Variants in GMEB1 observed in about 807,000 individuals in gnomAD.
GMEB1 encodes the protein glucocorticoid modulatory element binding protein 1.
Under a neutral mutation model 52.4 loss-of-function variants are expected in GMEB1, and 6 were observed. The observed-to-expected ratio is 0.11, with a 90% CI of 0.06 to 0.23. The LOEUF is 0.23. Among genes scored for constraint, GMEB1 ranks in the 10% least tolerant of loss-of-function variants. The pLI is 1.00. For synonymous variants in GMEB1, 255 were observed against 244.9 expected, an observed-to-expected ratio of 1.04 and a Z score of -0.38; for missense variants, 486 against 685.6, an observed-to-expected ratio of 0.71 and a Z score of 3.25.
chr1:28,713,164 A>G (rs1365348866), intron 9 of GMEB1, among the ~76,000 whole-genome samples: 1 of 152,066 alleles, frequency 6.6e-6, no homozygotes, highest in Non-Finnish European at 1.5e-5. Flanking sequence ...TCTCAAAAAA[A>G]AAAAAAAAAA....
Position 28,693,064 on chromosome 1 carries a change from C to T in GMEB1, c.440+19C>T. The stretch of plus-strand genomic sequence containing the variant: ...TGCTCAGGTAAGCTCTAATGTCAAG[C>T]ACATACCTTTCAACAAACTTTGGGG... On this transcript the variant is annotated intron_variant, in intron 5 of 9. Coordinates refer to ENST00000373816, the MANE Select transcript of GMEB1 (RefSeq NM_001319674.2). 1 of 1,318,780 alleles carries T rather than the reference C, an allele frequency of 7.6e-7. No individual in the cohort carries two copies. Among genetic ancestry groups the T allele is most frequent in the Non-Finnish European group, 1.1e-6 (1 of 942,684 alleles). 81.7% of individuals were successfully genotyped at this position (1,318,780 alleles called of 1,614,324 possible). A position where few individuals can be genotyped will look rare whatever the true frequency, so the allele number is the denominator to read the frequency against.
At chr1:28,669,153 ACCACTGGGGGGGCCCCGGCGCC>A (rs1415954964) in intron 1 of GMEB1, among the ~76,000 whole-genome samples, 1 of 150,480 alleles carries the variant, frequency 6.6e-6, no homozygotes, top group African/African-American at 2.4e-5. Context: ...CGGCGAGTCC[ACCACTGGGGGGGCCCCGGCGCC>A]CCCGGACCGA....
chr1:28,693,962 G>A (rs981995408), intron 5 of GMEB1, among the ~76,000 whole-genome samples: 2 of 151,922 alleles, frequency 1.3e-5, no homozygotes, highest in African/African-American at 4.8e-5. Flanking sequence ...GACTTCTAAA[G>A]TCAATTATGG....
chr1:28,701,533 G>C (rs919554002), intron 6 of GMEB1, among the ~76,000 whole-genome samples: 2 of 152,078 alleles, frequency 1.3e-5, no homozygotes, highest in Non-Finnish European at 2.9e-5. Context: ...CTCCCAAAGT[G>C]CTGGGATTAC....
chr1:28,674,604 G>C (rs529322148), intron 1 of GMEB1, among the ~76,000 whole-genome samples: 5 of 151,870 alleles, frequency 3.3e-5, no homozygotes, highest in Non-Finnish European at 7.4e-5. Context: ...ATGTTTGTCA[G>C]GCTGGTCTCT....
At chr1:28,673,264 G>A (rs1369454350) in intron 1 of GMEB1, among the ~76,000 whole-genome samples, 2 of 148,050 alleles carry the variant, frequency 1.4e-5, no homozygotes, top group Non-Finnish European at 3.0e-5. Context: ...TCCATTTTTC[G>A]TTTGTTTGTT....
At chr1:28,695,895 C>T (rs1392972971) in intron 5 of GMEB1, among the ~76,000 whole-genome samples, 2 of 120,416 alleles carry the variant, frequency 1.7e-5, no homozygotes, top group African/African-American at 3.2e-5. Flanking sequence ...GCCGAGATCC[C>T]GCCACTGCAC....
At chr1:28,703,543 C>T (rs912840590) in intron 7 of GMEB1, among the ~76,000 whole-genome samples, 2 of 152,038 alleles carry the variant, frequency 1.3e-5, no homozygotes, top group Non-Finnish European at 2.9e-5. Context: ...TGCCTGTAAT[C>T]CCAGCTACTC....
At chr1:28,694,964 T>A (rs1316374859) in intron 5 of GMEB1, among the ~76,000 whole-genome samples, 1 of 146,438 alleles carries the variant, frequency 6.8e-6, no homozygotes, top group African/African-American at 2.5e-5. Flanking sequence ...GGCCAGCCTT[T>A]TTTTTTTTTT....
chr1:28,705,434 A>G (rs1244260666), intron 8 of GMEB1, among the ~76,000 whole-genome samples: 1 of 145,428 alleles, frequency 6.9e-6, no homozygotes, highest in East Asian at 2.0e-4. Context: ...CTCGCGCGAT[A>G]TATGTATTTT....
intron 1 of GMEB1, among the ~76,000 whole-genome samples, chr1:28,681,077 C>G (rs1669368435): frequency 6.6e-6 from 1 of 152,028 alleles, no homozygotes; most frequent in African/African-American, 2.4e-5. Context: ...ACAATCCTTG[C>G]TTTTCCAGGA....
chr1:28,713,894 C>G (rs1671170868), intron 9 of GMEB1, among the ~76,000 whole-genome samples, 179 bp from the exon 10 acceptor site: 1 of 152,040 alleles, frequency 6.6e-6, no homozygotes, highest in African/African-American at 2.4e-5. Flanking sequence ...ACCCTCCAGC[C>G]TAGGCAACAT....
At chr1:28,692,892 G>T (rs773698776) in intron 4 of GMEB1, 50 bp from the exon 5 acceptor site, 15 of 920,214 alleles carry the variant, frequency 1.6e-5, no homozygotes, top group Non-Finnish European at 1.7e-5. Flanking sequence ...TCCCCTCTTG[G>T]CCTGCCTAAG....
upstream of GMEB1, among the ~76,000 whole-genome samples, chr1:28,668,229 G>A (rs1022423073): frequency 3.3e-5 from 5 of 151,940 alleles, no homozygotes; most frequent in African/African-American, 1.2e-4. Flanking sequence ...CTCCAGAGTC[G>A]TTTACACTTC....
chr1:28,672,266 G>C (rs1322213863), intron 1 of GMEB1, among the ~76,000 whole-genome samples: 1 of 146,884 alleles, frequency 6.8e-6, no homozygotes, highest in Non-Finnish European at 1.5e-5. Context: ...TGTCGCCCAG[G>C]CTGGAGTGCA....
At chr1:28,680,114 C>G (rs1261051078) in intron 1 of GMEB1, among the ~76,000 whole-genome samples, 1 of 152,000 alleles carries the variant, frequency 6.6e-6, no homozygotes, top group Non-Finnish European at 1.5e-5. Context: ...GGCCAGATGG[C>G]TCACACTTGT....
Position 28,714,069 on chromosome 1 carries a change from A to G in GMEB1, c.992-4A>G. 2 of 1,596,066 alleles carry G rather than the reference A, an allele frequency of 1.3e-6. No individual in the cohort carries two copies. The highest frequency in any genetic ancestry group is 1.1e-5 in the South Asian group (1 of 90,144). On this transcript the variant is annotated splice_region_variant and splice_polypyrimidine_tract_variant and intron_variant, in intron 9 of 9. Transcript: ENST00000373816. ...TACACAAAGTCTTTTCTTTTTTTCC[A>G]TAGACTTGGAACGCCAGTTGGAGGA...
Position 28,715,937 on chromosome 1 carries a change from C to CA in GMEB1, c.*1176dup, listed in dbSNP as rs796353375. On this transcript the variant is annotated 3_prime_UTR_variant, in exon 10 of 10. Coordinates refer to ENST00000373816, the MANE Select transcript of GMEB1 (RefSeq NM_001319674.2). ...TGAAACCCCGTCTCTACTGAAAATA[C>CA]AAAAAAAAAAAATTAGCTGGGCATG... 7.1e-3 allele frequency: 1,012 copies of CA among 142,552 alleles called. 3 individuals are homozygous for CA. The highest frequency in any genetic ancestry group is 0.033 in the Middle Eastern group (9 of 276). The allele number at this position is 142,552 out of a possible 1,614,324, so 8.8% of individuals were successfully genotyped here.
chr1:28,680,274 A>C (rs1669336404), intron 1 of GMEB1, among the ~76,000 whole-genome samples: 1 of 152,210 alleles, frequency 6.6e-6, no homozygotes, highest in Non-Finnish European at 1.5e-5. Flanking sequence ...TTTTAGGTTG[A>C]GTCACTAATT....
Sources: gnomAD v4.1 joint callset for allele counts (sites outside exome capture counted in the v4.1 genomes callset) on GRCh38, gnomAD v4.1.1 for gene constraint, MANE v1.5 for transcripts, NCBI Gene and HGNC (gene_info 2026-07-23, HGNC 2026-07-21) for gene names.